Variants in DLG2 observed in about 807,000 individuals in gnomAD.
DLG2 encodes discs large MAGUK scaffold protein 2.
DLG2 carries 45 observed loss-of-function variants against 132.5 expected under a neutral mutation model. The observed-to-expected ratio is 0.34, with a 90% CI of 0.27 to 0.44. The LOEUF is 0.44. DLG2 is among the 20% of genes least tolerant of loss of function. DLG2 has a pLI of 1.00. For synonymous variants in DLG2, 424 were observed against 419.6 expected (o/e 1.01, Z -0.13); for missense variants, 1,045 against 1,196.9 (o/e 0.87, Z 1.87).
At chr11:85,279,014 G>A (rs926047630) in intron 4 of DLG2, among the ~76,000 whole-genome samples, 4 of 152,112 alleles carry the variant, frequency 2.6e-5, no homozygotes, top group South Asian at 2.1e-4. Context: ...GTGAGAGACT[G>A]TTATTTCCTC....
intron 4 of DLG2, among the ~76,000 whole-genome samples, chr11:85,162,959 T>C (rs2078153679): frequency 2.0e-5 from 3 of 152,150 alleles, no homozygotes; most frequent in African/African-American, 7.2e-5. Flanking sequence ...ACCCTTAATC[T>C]GGATAGGCAC....
intron 5 of DLG2, among the ~76,000 whole-genome samples, chr11:85,125,715 C>T (rs867525423): frequency 6.6e-6 from 1 of 151,952 alleles, no homozygotes; most frequent in African/African-American, 2.4e-5. Flanking sequence ...GTGAATGCAC[C>T]TCATCTTTAA....
intron 3 of DLG2, among the ~76,000 whole-genome samples, chr11:85,461,235 T>C (rs895933119): frequency 6.6e-6 from 1 of 152,214 alleles, no homozygotes; most frequent in African/African-American, 2.4e-5. Context: ...TCACTTTTCC[T>C]CTCTTGGTTT....
At chr11:83,882,652 A>G (rs914605141) in intron 15 of DLG2, among the ~76,000 whole-genome samples, 1 of 152,206 alleles carries the variant, frequency 6.6e-6, no homozygotes, top group Non-Finnish European at 1.5e-5. Context: ...CCACTATACA[A>G]TCATATTTTT....
intron 7 of DLG2, among the ~76,000 whole-genome samples, chr11:84,279,040 T>C (rs1390872261): frequency 6.6e-6 from 1 of 152,090 alleles, no homozygotes; most frequent in African/African-American, 2.4e-5. Flanking sequence ...ACCTACAGAA[T>C]GGTAGAAAAT....
At chr11:84,606,263 G>A (rs939856062) in intron 6 of DLG2, among the ~76,000 whole-genome samples, 2 of 152,018 alleles carry the variant, frequency 1.3e-5, no homozygotes, top group African/African-American at 4.8e-5. Flanking sequence ...CAATATTAGG[G>A]AAGTGGATAA....
chr11:83,633,351 A>T (rs754703132), intron 18 of DLG2, 26 bp from the exon 19 acceptor site: 2 of 1,599,502 alleles, frequency 1.3e-6, no homozygotes, highest in Non-Finnish European at 1.7e-6. Context: ...AAGGTAGCAA[A>T]TTTTGCTCTG....
intron 17 of DLG2, among the ~76,000 whole-genome samples, chr11:83,826,360 G>A (rs1473659593): frequency 6.6e-6 from 1 of 152,190 alleles, no homozygotes; most frequent in Admixed American, 6.5e-5. Flanking sequence ...AGCCATATCT[G>A]TTTTCATTTG....
chr11:84,767,598 T>C (rs1444954590), intron 6 of DLG2, among the ~76,000 whole-genome samples: 3 of 152,068 alleles, frequency 2.0e-5, no homozygotes, highest in African/African-American at 2.4e-5. Flanking sequence ...AGATTGTTCC[T>C]AACCTGGAAC....
chr11:83,467,808 T>TACAC (rs1475625311), intron 25 of DLG2, among the ~76,000 whole-genome samples: 244 of 85,230 alleles, frequency 2.9e-3, no homozygotes, highest in Middle Eastern at 8.9e-3. Flanking sequence ...TATATATATA[T>TACAC]ATACACACAC....
intron 9 of DLG2, among the ~76,000 whole-genome samples, chr11:84,136,396 C>T (rs2094602192): frequency 6.6e-6 from 1 of 152,046 alleles, no homozygotes; most frequent in Admixed American, 6.6e-5. Context: ...AAGGTAAATG[C>T]TTGTTTTTTG....
At chr11:85,399,236 C>T (rs529778540) in intron 3 of DLG2, among the ~76,000 whole-genome samples, 15 of 152,096 alleles carry the variant, frequency 9.9e-5, no homozygotes, top group Non-Finnish European at 1.8e-4. Flanking sequence ...ATATGAAGGA[C>T]CTCTTCAAGG....
At chr11:85,368,889 T>A (rs531910877) in intron 3 of DLG2, among the ~76,000 whole-genome samples, 3 of 152,336 alleles carry the variant, frequency 2.0e-5, no homozygotes, top group Admixed American at 6.5e-5. Flanking sequence ...CTTTTCTTCC[T>A]GTGTGGAGCC....
chr11:84,296,891 C>T (rs1567208859), intron 7 of DLG2, among the ~76,000 whole-genome samples: 1 of 151,984 alleles, frequency 6.6e-6, no homozygotes, highest in South Asian at 2.1e-4. Flanking sequence ...ATACATCATC[C>T]ACTGTATTTA....
intron 9 of DLG2, among the ~76,000 whole-genome samples, chr11:84,114,179 T>G (rs1384635485): frequency 6.6e-6 from 1 of 152,074 alleles, no homozygotes; most frequent in Non-Finnish European, 1.5e-5. Context: ...CAGTTTTAAT[T>G]TCGAATACGG....
intron 6 of DLG2, among the ~76,000 whole-genome samples, chr11:84,920,282 G>A (rs528343888): frequency 6.6e-6 from 1 of 152,228 alleles, no homozygotes; most frequent in African/African-American, 2.4e-5. Context: ...TCTTTGAAGT[G>A]CTCTGCTTCT....
At chr11:84,744,058 T>C (rs1181352784) in intron 6 of DLG2, among the ~76,000 whole-genome samples, 2 of 152,106 alleles carry the variant, frequency 1.3e-5, no homozygotes, top group African/African-American at 2.4e-5. Flanking sequence ...AATCACACGT[T>C]TCTCTCTGGG....
In DLG2 at chr11:83,456,049, G is replaced by A. The variant is rs1476784262; in HGVS notation, c.*3769C>T. On this transcript the variant is annotated 3_prime_UTR_variant, in exon 28 of 28. Transcript: ENST00000376104. ...TTCACATAAAAATGGGAAAAAGAAA[G>A]CTTATGAATGGGAAAAAAATGTCTC... is the stretch of plus-strand genomic sequence containing the variant. 1 of 152,668 alleles carries A rather than the reference G, an allele frequency of 6.6e-6. No homozygotes were observed. Among genetic ancestry groups the A allele is most frequent in the African/African-American group, 2.4e-5 (1 of 41,438 alleles). 9.5% of individuals were successfully genotyped at this position (152,668 alleles called of 1,614,324 possible). A position where few individuals can be genotyped will look rare whatever the true frequency, so the allele number is the denominator to read the frequency against.
intron 10 of DLG2, among the ~76,000 whole-genome samples, chr11:84,075,056 G>A (rs1369532608): frequency 1.3e-5 from 2 of 152,016 alleles, no homozygotes; most frequent in African/African-American, 4.8e-5. Context: ...TCCTGCCTTA[G>A]GGTACTTGTA....
Sources: allele counts gnomAD v4.1 joint callset (sites outside exome capture counted in the v4.1 genomes callset), GRCh38; gene constraint gnomAD v4.1.1; transcripts MANE v1.5; gene names NCBI Gene and HGNC (gene_info 2026-07-23, HGNC 2026-07-21).